The following GALK2 variants were observed in gnomAD, a reference collection of about 807,000 sequenced individuals.
GALK2 encodes the protein N-acetylgalactosamine kinase.
GALK2 carries 36 observed loss-of-function variants against 52.4 expected under a neutral mutation model. That is an observed-to-expected ratio of 0.69 (90% CI 0.53 to 0.91). The LOEUF (loss-of-function observed/expected upper bound fraction) is 0.91, where lower values mean the gene tolerates loss of function less well. GALK2 is among the 40% of genes least tolerant of loss of function. The pLI is 0.00. For missense variants in GALK2, 579 were observed against 559.1 expected (o/e 1.04, Z -0.36); for synonymous variants, 176 against 199.1 (o/e 0.88, Z 0.98).
At chr15:49,185,121 C>T (rs1345482304) in intron 1 of GALK2, among the ~76,000 whole-genome samples, 1 of 152,064 alleles carries the variant, frequency 6.6e-6, no homozygotes. Flanking sequence ...CAACCCATAC[C>T]CCACTCCTCC....
chr15:49,260,145 G>C (rs1222155550), intron 5 of GALK2, among the ~76,000 whole-genome samples: 1 of 152,104 alleles, frequency 6.6e-6, no homozygotes, highest in Non-Finnish European at 1.5e-5. Flanking sequence ...AGATCCCTGA[G>C]GAATCGCCAC....
chr15:49,245,646 A>G (rs2091311685), intron 5 of GALK2, among the ~76,000 whole-genome samples: 2 of 152,180 alleles, frequency 1.3e-5, no homozygotes, highest in Non-Finnish European at 1.5e-5. Context: ...GAAGAATCCA[A>G]GAAAATACAG....
At chr15:49,287,438 C>T (rs1427435726) in intron 7 of GALK2, among the ~76,000 whole-genome samples, 2 of 152,144 alleles carry the variant, frequency 1.3e-5, no homozygotes, top group Non-Finnish European at 2.9e-5. Context: ...TGCTAATGTG[C>T]ACTTTACTCA....
At chr15:49,190,021 T>A (rs1416836800) in intron 1 of GALK2, among the ~76,000 whole-genome samples, 1 of 152,216 alleles carries the variant, frequency 6.6e-6, no homozygotes, top group Non-Finnish European at 1.5e-5. Flanking sequence ...TCTTTTTTAT[T>A]GTGGAATACT....
intron 3 of GALK2, among the ~76,000 whole-genome samples, chr15:49,352,002 T>A (rs553298238): frequency 1.3e-5 from 2 of 152,372 alleles, no homozygotes; most frequent in African/African-American, 4.8e-5. Flanking sequence ...TGTTCTAAGA[T>A]GGAGTCTATC....
At chr15:49,307,456 G>C (rs912585830) in intron 8 of GALK2, among the ~76,000 whole-genome samples, 1 of 152,150 alleles carries the variant, frequency 6.6e-6, no homozygotes, top group Non-Finnish European at 1.5e-5. Context: ...TTGATTAGAG[G>C]GGAGAGGGAT....
At chr15:49,353,693 CAGAGTATTTT>C (rs1357999377) in intron 3 of GALK2, 2 of 151,404 alleles carry the variant, frequency 1.3e-5, no homozygotes, top group East Asian at 3.9e-4. Context: ...TCACTTCGCC[CAGAGTATTTT>C]AGAAGGACTG....
In GALK2 at chr15:49,319,635, G is replaced by A. The variant is rs113276417; in HGVS notation, c.999G>A (p.Lys333=). Residue 333 remains lysine (K), a synonymous_variant, in exon 9 of 10, where the codon AAG becomes AAA. Coordinates refer to ENST00000560031, the MANE Select transcript of GALK2 (RefSeq NM_002044.4). The stretch of plus-strand genomic sequence containing the variant: ...TCTTCAAACTCTATCAGCGGGCAAA[G>A]CATGTGTACAGCGAGGCTGCGCGAG... ...VLIFKLYQRA[K]HVYSEAARVL... is the part of the protein sequence containing the mutation. 25 of 1,614,174 alleles carry A rather than the reference G, an allele frequency of 1.5e-5. No homozygotes were observed. In the South Asian group the frequency reaches 2.7e-4, roughly 18 times the overall value.
At chr15:49,176,509 T>A (rs978269968) in intron 1 of GALK2, among the ~76,000 whole-genome samples, 2 of 152,172 alleles carry the variant, frequency 1.3e-5, no homozygotes, top group Non-Finnish European at 2.9e-5. Flanking sequence ...ATTTAAAAAA[T>A]TTTATATTTT....
At chr15:49,284,674 T>A (rs368209564) in intron 7 of GALK2, among the ~76,000 whole-genome samples, 32 of 152,314 alleles carry the variant, frequency 2.1e-4, no homozygotes, top group African/African-American at 7.7e-4. Flanking sequence ...AGTAATAATT[T>A]CATACCTTCT....
intron 5 of GALK2, among the ~76,000 whole-genome samples, chr15:49,276,632 A>G (rs1378411123): frequency 6.6e-6 from 1 of 152,182 alleles, no homozygotes; most frequent in East Asian, 1.9e-4. Flanking sequence ...GTCCCAAAGG[A>G]CAGACAGAAA....
At chr15:49,264,534 C>G (rs937364836) in intron 5 of GALK2, among the ~76,000 whole-genome samples, 1 of 152,184 alleles carries the variant, frequency 6.6e-6, no homozygotes, top group African/African-American at 2.4e-5. Flanking sequence ...CAACGTAGCT[C>G]AGAGTAATTT....
rs1425697003 is a variant in GALK2, at chr15:49,259,208, T to TA, written c.504+19841_504+19842insA. Among the ~76,000 whole-genome samples the TA allele has an allele frequency of 5.5e-4, 83 of 152,088 alleles. 1 individual carries two copies. The highest frequency in any genetic ancestry group is 4.6e-3 in the Admixed American group (70 of 15,252). ...TTATTTTATTTTATTATTATTATAC[T>TA]TTAAGTTTTAGGGTACATGTGCACA... On this transcript the variant is annotated intron_variant, in intron 5 of 9. Transcript: ENST00000560031.
chr15:49,227,933 T>C (rs2090229219), intron 3 of GALK2, among the ~76,000 whole-genome samples: 1 of 152,186 alleles, frequency 6.6e-6, no homozygotes, highest in Admixed American at 6.5e-5. Context: ...TGCTCAGCTT[T>C]TGTTTTTCTA....
At chr15:49,191,444 G>A (rs909991086) in intron 1 of GALK2, among the ~76,000 whole-genome samples, 3 of 152,106 alleles carry the variant, frequency 2.0e-5, no homozygotes, top group African/African-American at 7.2e-5. Flanking sequence ...TAGTGCAACA[G>A]CTTAGTCTAA....
chr15:49,219,317 T>C (rs1411182164), intron 3 of GALK2, among the ~76,000 whole-genome samples: 1 of 151,642 alleles, frequency 6.6e-6, no homozygotes, highest in Non-Finnish European at 1.5e-5. Flanking sequence ...AAAATGGGAG[T>C]TTCCCTGCAC....
chr15:49,294,054 T>A (rs1222639448), intron 8 of GALK2, among the ~76,000 whole-genome samples: 4 of 150,840 alleles, frequency 2.7e-5, no homozygotes, highest in Non-Finnish European at 5.9e-5. Flanking sequence ...AAGCTGACAT[T>A]GTGCCACTGC....
chr15:49,267,292 C>T (rs1179007331), intron 5 of GALK2, among the ~76,000 whole-genome samples: 1 of 152,138 alleles, frequency 6.6e-6, no homozygotes, highest in East Asian at 1.9e-4. Flanking sequence ...TTGCTGAATG[C>T]AGGCCAAGGT....
At chr15:49,358,149 C>G (rs2043509199) in intron 3 of GALK2, among the ~76,000 whole-genome samples, 1 of 151,672 alleles carries the variant, frequency 6.6e-6, no homozygotes. Flanking sequence ...TGGGCAAAAA[C>G]TGGAAGCATT....
Sources: allele counts gnomAD v4.1 joint callset (sites outside exome capture counted in the v4.1 genomes callset), GRCh38; gene constraint gnomAD v4.1.1; transcripts MANE v1.5; gene names NCBI Gene and HGNC (gene_info 2026-07-23, HGNC 2026-07-21).